The following TUBGCP5 variants were observed in gnomAD, a reference collection of about 807,000 sequenced individuals.
TUBGCP5 encodes tubulin gamma complex component 5, also known as gamma-tubulin complex component 5.
TUBGCP5 carries 98 observed loss-of-function variants against 134.7 expected under a neutral mutation model. That is an observed-to-expected ratio of 0.73 (90% CI 0.62 to 0.86). The LOEUF (loss-of-function observed/expected upper bound fraction) is 0.86, where lower values mean the gene tolerates loss of function less well. Ranked by LOEUF, TUBGCP5 falls within the 40% of genes least tolerant of loss-of-function variation. The pLI, the probability that TUBGCP5 is intolerant of heterozygous loss-of-function variation, is 0.00. For synonymous variants in TUBGCP5, 456 were observed against 431.4 expected, an observed-to-expected ratio of 1.06 and a Z score of -0.71; for missense variants, 1,150 against 1,244.8, an observed-to-expected ratio of 0.92 and a Z score of 1.15.
intron 1 of TUBGCP5, among the ~76,000 whole-genome samples, chr15:23,038,626 C>T (rs2066730822): frequency 6.6e-6 from 1 of 152,086 alleles, no homozygotes; most frequent in Non-Finnish European, 1.5e-5. Flanking sequence ...AAAAACTGTT[C>T]ATTATTCAAG....
At chr15:23,020,651 A>G (rs1411773754) in intron 11 of TUBGCP5, among the ~76,000 whole-genome samples, 1 of 152,052 alleles carries the variant, frequency 6.6e-6, no homozygotes, top group African/African-American at 2.4e-5. Flanking sequence ...AAAAAGTTAT[A>G]CCAACAAACT....
chr15:22,992,353 G>C (rs763567182), intron 23 of TUBGCP5, among the ~76,000 whole-genome samples: 1 of 152,012 alleles, frequency 6.6e-6, no homozygotes, highest in African/African-American at 2.4e-5. Context: ...CTCCAGCGTC[G>C]GATGCAGACA....
At chr15:23,024,399 C>T in intron 9 of TUBGCP5, 3 of 541,416 alleles carry the variant, frequency 5.5e-6, no homozygotes, top group Non-Finnish European at 8.9e-6. Flanking sequence ...AGAATTATGG[C>T]TTATATTTTT....
At chr15:23,016,969 G>GATATATACATATATATATATATATATAT (rs1555439441) in intron 13 of TUBGCP5, among the ~76,000 whole-genome samples, 1 of 109,434 alleles carries the variant, frequency 9.1e-6, no homozygotes, top group South Asian at 3.2e-4. Context: ...AAAATTGTGA[G>GATATATACATATATATATATATATATAT]ATATATATAT....
intron 3 of TUBGCP5, among the ~76,000 whole-genome samples, chr15:23,036,094 C>T (rs575433583): frequency 4.5e-4 from 69 of 152,300 alleles, no homozygotes; most frequent in Admixed American, 7.2e-4. Context: ...TGTGGTCCCA[C>T]CGTGTTCAGG....
rs750505118 is a variant in TUBGCP5, at chr15:23,003,093, C to T, written c.2899G>A (p.Gly967Ser). The T allele has an allele frequency of 1.6e-5, 26 of 1,613,986 alleles. No homozygotes were observed. Among genetic ancestry groups the T allele is most frequent in the South Asian group, 1.4e-4 (13 of 91,074 alleles). ...CAAGTGCCCAGGCCTGCCTGCCAAC[C>T]GTCTGCAAACATGAGAGCCAAGTTC... The part of the protein sequence containing the change: ...VLNLALMFAD[G>S]WQAGLGTWRM... Residue 967 changes from glycine (G) to serine (S), a missense_variant, in exon 21 of 23, where the codon GGT (glycine) becomes AGT (serine). Coordinates refer to ENST00000615383, the MANE Select transcript of TUBGCP5 (RefSeq NM_052903.6).
chr15:23,017,750 A>T, intron 13 of TUBGCP5, 23 bp downstream of exon 13: 5 of 1,604,420 alleles, frequency 3.1e-6, no homozygotes, highest in Non-Finnish European at 4.3e-6. Context: ...ACCAAGAGAG[A>T]CACAGGAAGA....
In TUBGCP5 at chr15:23,038,392, G is replaced by A. The variant is rs538330496; in HGVS notation, c.146+1006C>T. ...ATGACAATCTGCCTACTGTCATTTA[G>A]AAATATTAGTAGAAAAATAACTTGG... On this transcript the variant is annotated intron_variant, in intron 1 of 22. Transcript: ENST00000615383. 1.3e-4 allele frequency among the ~76,000 whole-genome samples: 20 copies of A among 152,278 alleles called. No homozygotes were observed. The East Asian group carries it at 3.7e-3, about 28-fold the overall frequency.
chr15:23,009,802 T>G, intron 15 of TUBGCP5, 143 bp downstream of exon 15: 1 of 544,638 alleles, frequency 1.8e-6, no homozygotes, highest in Non-Finnish European at 2.9e-6. Context: ...ATATTGATGG[T>G]CAATTGATTT....
In TUBGCP5 at chr15:22,993,131, G is replaced by A. The variant is rs151219581; in HGVS notation, c.*61+3714C>T. ...CTCTTTATTTTTGAGATTGAGTCTCGCTCTGTCGCCCAGGCTGGAGTGTAG... is the reference window on the plus strand; with the variant it reads ...CTCTTTATTTTTGAGATTGAGTCTCACTCTGTCGCCCAGGCTGGAGTGTAG... On this transcript the variant is annotated intron_variant and NMD_transcript_variant, in intron 23 of 23. Coordinates refer to the TUBGCP5 transcript ENST00000614508. Among the ~76,000 whole-genome samples, 34 of 152,224 alleles carry A rather than the reference G, an allele frequency of 2.2e-4. No individual in the cohort carries two copies. The East Asian group carries it at 4.8e-3, about 22-fold the overall frequency.
chr15:23,006,101 TAA>T lies in TUBGCP5; in HGVS notation c.2482_2483del (p.Leu828IlefsTer9). 6.2e-7 allele frequency: 1 copy of T among 1,612,422 alleles called. No homozygotes were observed. The highest frequency in any genetic ancestry group is 8.5e-7 in the Non-Finnish European group (1 of 1,179,624). On this transcript the variant is annotated frameshift_variant, in exon 18 of 23. Transcript: ENST00000615383. LOFTEE classifies it high-confidence loss of function. Reference protein sequence around the residue: ...QKIYNQVFLLLLQIKWAKYSL... With the variant: ...QKIYNQVFLLXLQIKWAKYSL... ...TATATTTTGCCCACTTTATTTGCAA[TAA>T]GAGAAGAAACACTTGATTATAAATT...
chr15:23,027,124 C>A lies in TUBGCP5; in HGVS notation c.737+68G>T. The A allele has an allele frequency of 2.5e-6, 3 of 1,211,452 alleles. No homozygotes were observed. In the South Asian group the frequency reaches 4.1e-5, roughly 17 times the overall value. The allele number at this position is 1,211,452 out of a possible 1,614,324, so 75.0% of individuals were successfully genotyped here. A position where few individuals can be genotyped will look rare whatever the true frequency, so the allele number is the denominator to read the frequency against. ...TCAGGGAAGAACTTAAGTCACAAAT[C>A]AAAGCCAAACGTTTAAACATCAAAG... On this transcript the variant is annotated intron_variant, in intron 7 of 22. Coordinates refer to ENST00000615383, the MANE Select transcript of TUBGCP5 (RefSeq NM_052903.6).
At chr15:22,992,566 C>G (rs116601183) in intron 23 of TUBGCP5, among the ~76,000 whole-genome samples, 2,622 of 152,098 alleles carry the variant, frequency 0.017, 40 homozygotes, top group African/African-American at 0.042. Context: ...GATTTTGGTA[C>G]AGAGAGAGGA....
chr15:23,000,500 A>C, intron 22 of TUBGCP5, 69 bp downstream of exon 22: 1 of 1,567,510 alleles, frequency 6.4e-7, no homozygotes, highest in East Asian at 2.3e-5. Context: ...ATCAGTAACA[A>C]AACAATGACA....
intron 14 of TUBGCP5, 92 bp from the exon 15 acceptor site, chr15:23,010,225 G>C: frequency 1.5e-6 from 2 of 1,326,880 alleles, no homozygotes; most frequent in Middle Eastern, 1.9e-4. Flanking sequence ...TTTACCTTTA[G>C]TCTTGAAGTT....
Position 23,032,037 on chromosome 15 carries a change from G to C in TUBGCP5, c.407-8C>G. The C allele has an allele frequency of 6.2e-7, 1 of 1,603,386 alleles. No individual in the cohort carries two copies. The highest frequency in any genetic ancestry group is 8.5e-7 in the Non-Finnish European group (1 of 1,172,772). On this transcript the variant is annotated splice_polypyrimidine_tract_variant and splice_region_variant and intron_variant, in intron 4 of 22. Coordinates refer to ENST00000615383, the MANE Select transcript of TUBGCP5 (RefSeq NM_052903.6). ...CGAAATCATCTTTCTTTTCTAAAAT[G>C]TAACAGAAGAACTTCATTGGCTTTA... is the stretch of plus-strand genomic sequence containing the variant.
rs1409727976 is a variant in TUBGCP5 at position 23,003,097 on chromosome 15, T to C, written c.2895A>G (p.Ala965=). Residue 965 remains alanine (A), a synonymous_variant, in exon 21 of 23, where the codon GCA becomes GCG. Coordinates refer to ENST00000615383, the MANE Select transcript of TUBGCP5 (RefSeq NM_052903.6). ...MKVLNLALMF[A]DGWQAGLGTW... ...TGCCCAGGCCTGCCTGCCAACCGTCTGCAAACATGAGAGCCAAGTTCAACA... is the reference window on the plus strand; with the variant it reads ...TGCCCAGGCCTGCCTGCCAACCGTCCGCAAACATGAGAGCCAAGTTCAACA... 2 of 1,614,088 alleles carry C rather than the reference T, an allele frequency of 1.2e-6. No homozygotes were observed. The highest frequency in any genetic ancestry group is 1.7e-6 in the Non-Finnish European group (2 of 1,180,044).
Position 23,026,137 on chromosome 15 carries a change from T to C in TUBGCP5, c.806A>G (p.Gln269Arg). 1.2e-6 allele frequency: 2 copies of C among 1,609,978 alleles called. No homozygotes were observed. The highest frequency in any genetic ancestry group is 1.7e-4 in the Middle Eastern group (1 of 6,048). Residue 269 changes from glutamine (Q) to arginine (R), a missense_variant, in exon 8 of 23, where the codon CAG becomes CGG. By Grantham distance (43) the Gln-to-Arg change is conservative. Coordinates refer to ENST00000615383, the MANE Select transcript of TUBGCP5 (RefSeq NM_052903.6). ...TTACCATAGGGTTTCCCGAATAACC[T>C]GAGTCTCAGTAACCAAAACCCTGTC... ...PDDRVLVTET[Q>R]VIRETLWLLS...
At chr15:23,005,989 C>T in intron 18 of TUBGCP5, 63 bp downstream of exon 18, 1 of 1,487,662 alleles carries the variant, frequency 6.7e-7, no homozygotes. Flanking sequence ...TTCCCATTAA[C>T]CTCTTTTATT....
Sources: allele counts gnomAD v4.1 joint callset (sites outside exome capture counted in the v4.1 genomes callset), GRCh38; gene constraint gnomAD v4.1.1; transcripts MANE v1.5; gene names NCBI Gene and HGNC (gene_info 2026-07-23, HGNC 2026-07-21).